UBR1: variants seen among roughly 807,000 people sequenced by gnomAD.
The protein encoded by UBR1 is ubiquitin protein ligase E3 component n-recognin 1.
In UBR1, 102 loss-of-function variants were observed where a neutral mutation model predicts 242.1. The ratio of observed to expected loss-of-function variants is 0.42; its 90% CI spans 0.36 to 0.50. The LOEUF (loss-of-function observed/expected upper bound fraction) is 0.50. Ranked by LOEUF, UBR1 falls within the 20% of genes least tolerant of loss-of-function variation. The probability of loss-of-function intolerance (pLI) is 0.01; values close to 1 mark genes in which losing one functional copy is unlikely to be tolerated. For synonymous variants in UBR1, 675 were observed against 684.8 expected, an observed-to-expected ratio of 0.99 and a Z score of 0.22; for missense variants, 1,772 against 2,101.8, an observed-to-expected ratio of 0.84 and a Z score of 3.07.
At chr15:43,094,128 C>A (rs543403480) in intron 1 of UBR1, among the ~76,000 whole-genome samples, 7 of 152,240 alleles carry the variant, frequency 4.6e-5, no homozygotes, top group African/African-American at 1.7e-4. Context: ...GAGCACTAAA[C>A]TGCTTCAAAA....
intron 29 of UBR1, among the ~76,000 whole-genome samples, chr15:43,014,255 G>A (rs899354413): frequency 2.0e-5 from 3 of 152,228 alleles, no homozygotes; most frequent in Admixed American, 6.5e-5. Flanking sequence ...CCAGCCGCCT[G>A]CCTTGGCCTC....
intron 44 of UBR1, among the ~76,000 whole-genome samples, chr15:42,952,775 C>G (rs560038554): frequency 6.6e-6 from 1 of 152,150 alleles, no homozygotes; most frequent in Non-Finnish European, 1.5e-5. Context: ...CTGACATGCC[C>G]AATTTACAGT....
At chr15:43,089,907 A>C (rs2034087769) in intron 1 of UBR1, among the ~76,000 whole-genome samples, 1 of 152,252 alleles carries the variant, frequency 6.6e-6, no homozygotes, top group African/African-American at 2.4e-5. Context: ...ACTGGAGACG[A>C]GAGAGATAAC....
chr15:43,016,734 A>G (rs951755175), intron 28 of UBR1, among the ~76,000 whole-genome samples: 1 of 152,058 alleles, frequency 6.6e-6, no homozygotes, highest in Non-Finnish European at 1.5e-5. Context: ...AAGCCACCAC[A>G]TTGGGCTAAT....
chr15:43,077,257 C>T (rs889914141), intron 3 of UBR1, among the ~76,000 whole-genome samples: 1 of 151,998 alleles, frequency 6.6e-6, no homozygotes, highest in African/African-American at 2.4e-5. Context: ...GTTGCCGGGT[C>T]TGTGTGGATG....
intron 20 of UBR1, among the ~76,000 whole-genome samples, chr15:43,031,014 T>G (rs1835147269): frequency 6.6e-6 from 1 of 152,200 alleles, no homozygotes; most frequent in Admixed American, 6.5e-5. Context: ...AGAGATCACG[T>G]AGGTTACCTC....
At chr15:43,011,574 A>C (rs1441984315) in intron 29 of UBR1, among the ~76,000 whole-genome samples, 1 of 152,266 alleles carries the variant, frequency 6.6e-6, no homozygotes, top group Non-Finnish European at 1.5e-5. Flanking sequence ...AAATTCAGCC[A>C]GATTGGCACA....
At chr15:43,008,201 T>A (rs1181394426) in intron 29 of UBR1, among the ~76,000 whole-genome samples, 2 of 152,244 alleles carry the variant, frequency 1.3e-5, no homozygotes, top group East Asian at 3.8e-4. Context: ...ATGTAGCCCT[T>A]GGGTTGGGAA....
intron 45 of UBR1, among the ~76,000 whole-genome samples, chr15:42,951,745 A>G (rs977959710): frequency 1.1e-4 from 16 of 151,994 alleles, no homozygotes; most frequent in Non-Finnish European, 2.2e-4. Context: ...CAGCCTCTCA[A>G]GTAGCTGGGA....
At chr15:43,037,380 AG>A (rs150162465) in intron 17 of UBR1, among the ~76,000 whole-genome samples, 306 of 152,002 alleles carry the variant, frequency 2.0e-3, no homozygotes, top group African/African-American at 7.1e-3. Flanking sequence ...GAAAAAAAAA[AG>A]AAAAGAAAAG....
chr15:43,056,686 A>G (rs1282251805), intron 10 of UBR1, among the ~76,000 whole-genome samples: 1 of 152,246 alleles, frequency 6.6e-6, no homozygotes, highest in Non-Finnish European at 1.5e-5. Context: ...ATTAAAATAT[A>G]CACATAGGTT....
intron 5 of UBR1, among the ~76,000 whole-genome samples, chr15:43,069,557 G>A (rs1412018687): frequency 6.6e-6 from 1 of 152,218 alleles, no homozygotes. Flanking sequence ...TTACAGGCGT[G>A]AGCCGCCGCG....
chr15:42,953,144 G>A (rs2031862574), intron 44 of UBR1, among the ~76,000 whole-genome samples: 1 of 152,160 alleles, frequency 6.6e-6, no homozygotes, highest in African/African-American at 2.4e-5. Context: ...AAAAGTGATA[G>A]TGCTGACTTG....
chr15:42,988,603 C>A, intron 35 of UBR1: 1 of 614,718 alleles, frequency 1.6e-6, no homozygotes, highest in Non-Finnish European at 2.8e-6. Flanking sequence ...TTTTTTTTAA[C>A]TTATGTTGCA....
chr15:42,995,018 T>A (rs575123039), intron 33 of UBR1, among the ~76,000 whole-genome samples: 10 of 152,334 alleles, frequency 6.6e-5, no homozygotes, highest in Middle Eastern at 3.4e-3. Flanking sequence ...AGTATTTTCT[T>A]CCCTTAAAAA....
In UBR1 at chr15:43,076,758, G is replaced by A. The variant is rs1401299127; in HGVS notation, c.418-1669C>T. 1.7e-3 allele frequency among the ~76,000 whole-genome samples: 232 copies of A among 139,080 alleles called. 1 individual carries two copies. The highest frequency in any genetic ancestry group is 5.9e-3 in the African/African-American group (217 of 36,896). The allele number at this position is 139,080 out of a possible 152,430, so 91.2% of individuals were successfully genotyped here. A position where few individuals can be genotyped will look rare whatever the true frequency, so the allele number is the denominator to read the frequency against. On this transcript the variant is annotated intron_variant, in intron 3 of 46. Coordinates refer to ENST00000290650, the MANE Select transcript of UBR1 (RefSeq NM_174916.3). ...AGCGTCTCCGCCTGGCAGCCACCGC[G>A]TCCGGGAGGGAGGTGGGAGGGGGTC...
intron 39 of UBR1, among the ~76,000 whole-genome samples, chr15:42,974,607 ATTAC>A (rs1291376969): frequency 6.6e-6 from 1 of 151,948 alleles, no homozygotes; most frequent in African/African-American, 2.4e-5. Flanking sequence ...TTGTTTACTT[ATTAC>A]TTACTTTCTG....
At chr15:42,961,343 C>G (rs545092407) in intron 42 of UBR1, among the ~76,000 whole-genome samples, 1 of 151,888 alleles carries the variant, frequency 6.6e-6, no homozygotes, top group Admixed American at 6.6e-5. Flanking sequence ...AAACTCCTGA[C>G]CTCAGGTGAT....
chr15:42,971,369 C>A (rs1468190322), intron 39 of UBR1, among the ~76,000 whole-genome samples: 1 of 152,160 alleles, frequency 6.6e-6, no homozygotes, highest in South Asian at 2.1e-4. Context: ...CTAAACCCTT[C>A]CAGCAACTGC....
Sources: allele counts gnomAD v4.1 joint callset (sites outside exome capture counted in the v4.1 genomes callset), GRCh38; gene constraint gnomAD v4.1.1; transcripts MANE v1.5; gene names NCBI Gene and HGNC (gene_info 2026-07-23, HGNC 2026-07-21).